The following XKR4 variants were observed in gnomAD, a reference collection of about 807,000 sequenced individuals.
XKR4 encodes XK-related protein 4.
A neutral mutation model predicts 53.9 loss-of-function variants in XKR4; 12 were observed. The observed-to-expected ratio is 0.22, with a 90% CI of 0.14 to 0.36. The LOEUF is 0.36. Among genes scored for constraint, XKR4 ranks in the 10% least tolerant of loss-of-function variants. The pLI is 1.00. For missense variants in XKR4, 799 were observed against 859.5 expected, an observed-to-expected ratio of 0.93 and a Z score of 0.88; for synonymous variants, 354 against 362.4, an observed-to-expected ratio of 0.98 and a Z score of 0.26.
rs185688949 is a variant in XKR4, at chr8:55,265,098, C to T, written c.807-92580C>T. Among the ~76,000 whole-genome samples the T allele has an allele frequency of 3.3e-3, 505 of 152,302 alleles. 1 individual carries two copies. The highest frequency in any genetic ancestry group is 0.01 in the Middle Eastern group (3 of 294). On this transcript the variant is annotated intron_variant, in intron 1 of 2. Transcript: ENST00000327381. ...TCTGCTTGTGTATTTTTCTGCAAGC[C>T]ATCTTCCACCCTTATCCTGTCAAGG... is the stretch of plus-strand genomic sequence containing the variant.
At position 55,361,730 on chromosome 8, in the gene XKR4, TCTC is replaced by T. The variant is rs1803912190; in HGVS notation, c.1006+3857_1006+3859del. The stretch of plus-strand genomic sequence containing the variant: ...TTCCAAGGCCTTTGTGTCACAGCCT[TCTC>T]CTCATTAGTCACTGCTCTGCAACCA... On this transcript the variant is annotated intron_variant, in intron 2 of 2. Transcript: ENST00000327381. 5.3e-5 allele frequency among the ~76,000 whole-genome samples: 8 copies of T among 152,164 alleles called. No individual in the cohort carries two copies. In the South Asian group the frequency reaches 1.5e-3, roughly 28 times the overall value.
chr8:55,467,836 G>T (rs1805806074), intron 2 of XKR4, among the ~76,000 whole-genome samples: 1 of 151,896 alleles, frequency 6.6e-6, no homozygotes, highest in South Asian at 2.1e-4. Context: ...TTCCTCTAAG[G>T]GTAATTATCT....
At chr8:55,209,335 C>T (rs540109336) in intron 1 of XKR4, among the ~76,000 whole-genome samples, 11 of 152,198 alleles carry the variant, frequency 7.2e-5, no homozygotes, top group African/African-American at 1.9e-4. Flanking sequence ...ATTTTGCAGA[C>T]GAGGAGACTC....
intron 2 of XKR4, among the ~76,000 whole-genome samples, chr8:55,405,117 C>T (rs1378544374): frequency 1.3e-5 from 2 of 152,168 alleles, no homozygotes; most frequent in Non-Finnish European, 2.9e-5. Context: ...AGCAATTTTC[C>T]TGAGACACCA....
rs1806945210 is a variant in XKR4 at position 55,530,999 on chromosome 8, T to G, written c.*6772T>G. 6.6e-6 allele frequency: 1 copy of G among 152,228 alleles called. No individual in the cohort carries two copies. The highest frequency in any genetic ancestry group is 1.5e-5 in the Non-Finnish European group (1 of 68,046). The allele number at this position is 152,228 out of a possible 1,614,324, so 9.4% of individuals were successfully genotyped here. ...GCTATTAGCAGCACAATCATAGTTT[T>G]CTGACGCCAGCTCTTACTCTTTTCT... On this transcript the variant is annotated 3_prime_UTR_variant, in exon 3 of 3. Coordinates refer to ENST00000327381, the MANE Select transcript of XKR4 (RefSeq NM_052898.2).
intron 2 of XKR4, among the ~76,000 whole-genome samples, chr8:55,417,863 A>C (rs769600071): frequency 5.9e-5 from 9 of 152,164 alleles, no homozygotes; most frequent in Non-Finnish European, 1.0e-4. Flanking sequence ...CAGATGCTGA[A>C]TGGAATTTGA....
chr8:55,464,387 C>T (rs1237981586), intron 2 of XKR4, among the ~76,000 whole-genome samples: 4 of 152,180 alleles, frequency 2.6e-5, no homozygotes, highest in African/African-American at 9.7e-5. Flanking sequence ...ACATGATTAT[C>T]TCAATAGATG....
intron 1 of XKR4, among the ~76,000 whole-genome samples, chr8:55,330,979 TATTTTAATC>T (rs1217089763): frequency 6.6e-6 from 1 of 152,106 alleles, no homozygotes; most frequent in South Asian, 2.1e-4. Context: ...TTTAATTTTA[TATTTTAATC>T]ATTTTAATCA....
At chr8:55,331,507 C>A (rs575820241) in intron 1 of XKR4, among the ~76,000 whole-genome samples, 1 of 151,802 alleles carries the variant, frequency 6.6e-6, no homozygotes, top group African/African-American at 2.4e-5. Flanking sequence ...CCTTGTTCAT[C>A]TTTTTTTTAG....
chr8:55,208,021 T>C (rs1817675413), intron 1 of XKR4, among the ~76,000 whole-genome samples: 1 of 152,236 alleles, frequency 6.6e-6, no homozygotes, highest in African/African-American at 2.4e-5. Flanking sequence ...ATAGTGATCC[T>C]CTGGTCTAAT....
intron 1 of XKR4, among the ~76,000 whole-genome samples, chr8:55,255,483 G>A (rs980388289): frequency 6.6e-6 from 1 of 151,968 alleles, no homozygotes; most frequent in African/African-American, 2.4e-5. Context: ...ATAATTTATT[G>A]TGAATTTCAT....
intron 1 of XKR4, 68 bp from the exon 2 acceptor site, chr8:55,357,610 A>T: frequency 6.4e-7 from 1 of 1,559,436 alleles, no homozygotes; most frequent in Non-Finnish European, 8.8e-7. Flanking sequence ...AGAAAAGAAC[A>T]ACCCTGGAGT....
In XKR4 at chr8:55,327,917, C is replaced by T. The variant is rs191757532; in HGVS notation, c.807-29761C>T. ...TCTAGCAGCAAAAAATTAGATACAG[C>T]TTTGTGATAAAAATGCTAGTATCTA... On this transcript the variant is annotated intron_variant, in intron 1 of 2. Transcript: ENST00000327381. 5.4e-3 allele frequency among the ~76,000 whole-genome samples: 817 copies of T among 152,202 alleles called. 8 individuals carry two copies. The highest frequency in any genetic ancestry group is 0.018 in the African/African-American group (747 of 41,532).
chr8:55,374,550 A>C (rs1209781620), intron 2 of XKR4, among the ~76,000 whole-genome samples: 1 of 152,240 alleles, frequency 6.6e-6, no homozygotes, highest in Non-Finnish European at 1.5e-5. Flanking sequence ...ACCACCATTT[A>C]AGGGCCATAG....
chr8:55,193,600 G>A (rs1377554314), intron 1 of XKR4, among the ~76,000 whole-genome samples: 1 of 152,206 alleles, frequency 6.6e-6, no homozygotes, highest in Non-Finnish European at 1.5e-5. Context: ...CCCTTCGGGA[G>A]CAAGTTATTT....
chr8:55,271,233 C>G (rs979338057), intron 1 of XKR4, among the ~76,000 whole-genome samples: 1 of 151,954 alleles, frequency 6.6e-6, no homozygotes, highest in East Asian at 1.9e-4. Context: ...TTTTCCTCTC[C>G]GTGGCTTCCT....
chr8:55,311,330 G>C (rs530988959), intron 1 of XKR4, among the ~76,000 whole-genome samples: 48 of 152,324 alleles, frequency 3.2e-4, no homozygotes, highest in African/African-American at 1.1e-3. Context: ...GTTCAGCCTG[G>C]AGTGTCAGAG....
chr8:55,129,705 C>G (rs1054963444), intron 1 of XKR4, among the ~76,000 whole-genome samples: 1 of 151,894 alleles, frequency 6.6e-6, no homozygotes, highest in African/African-American at 2.4e-5. Flanking sequence ...TTCTTTAGGG[C>G]CTTATTGTTA....
intron 1 of XKR4, among the ~76,000 whole-genome samples, chr8:55,290,693 T>C (rs1819005879): frequency 6.6e-6 from 1 of 152,120 alleles, no homozygotes; most frequent in African/African-American, 2.4e-5. Flanking sequence ...TTGGTGAAAA[T>C]TCTCTTCATG....
Sources: allele counts gnomAD v4.1 joint callset (sites outside exome capture counted in the v4.1 genomes callset), GRCh38; gene constraint gnomAD v4.1.1; transcripts MANE v1.5; gene names NCBI Gene and HGNC (gene_info 2026-07-23, HGNC 2026-07-21).